Variants in CHEK2 observed in about 807,000 individuals in gnomAD.
The protein encoded by CHEK2 is checkpoint kinase 2.
In CHEK2, 71 loss-of-function variants were observed where a neutral mutation model predicts 69.1. The observed-to-expected ratio is 1.03, with a 90% CI of 0.85 to 1.25. The LOEUF is 1.25. Among genes scored for constraint, CHEK2 ranks in the 50% most tolerant of loss-of-function variants. The pLI is 0.00. For missense variants in CHEK2, 664 were observed against 649.6 expected (o/e 1.02, Z -0.24); for synonymous variants, 189 against 226.9 (o/e 0.83, Z 1.50).
intron 7 of CHEK2, among the ~76,000 whole-genome samples, chr22:28,704,302 T>C (rs142085455): frequency 1.2e-3 from 179 of 151,736 alleles, no homozygotes; most frequent in African/African-American, 4.1e-3. Flanking sequence ...TTTTTTTTAA[T>C]TTTTCTTTCT....
In CHEK2 at chr22:28,699,903, C is replaced by T. The variant is rs1569121455; in HGVS notation, c.943G>A (p.Gly315Arg). Residue 315 changes from glycine (G) to arginine (R), a missense_variant, in exon 9 of 15, where the codon GGG becomes AGG. By Grantham distance (125) the Gly-to-Arg change is moderately radical. Coordinates refer to ENST00000404276, the MANE Select transcript of CHEK2 (RefSeq NM_007194.4). ...EGGELFDKVV[G>R]NKRLKEATCK... ...GTAGCTTCTTTCAGGCGTTTATTCC[C>T]CACCACTTTGTCAAACAGCTCTCCC... 6.2e-7 allele frequency: 1 copy of T among 1,613,986 alleles called. No homozygotes were observed. Among genetic ancestry groups the T allele is most frequent in the Non-Finnish European group, 8.5e-7 (1 of 1,179,962 alleles).
At chr22:28,691,771 TA>T (rs1483890701) in intron 13 of CHEK2, among the ~76,000 whole-genome samples, 7 of 152,182 alleles carry the variant, frequency 4.6e-5, no homozygotes, top group Non-Finnish European at 1.0e-4. Flanking sequence ...TTTCAGGCAG[TA>T]AATATGAGGC....
intron 1 of CHEK2, among the ~76,000 whole-genome samples, chr22:28,740,150 G>A (rs1207352931): frequency 3.9e-5 from 6 of 151,966 alleles, no homozygotes; most frequent in African/African-American, 7.3e-5. Flanking sequence ...GCAGTGAGCC[G>A]AGATCGCACC....
chr22:28,706,296 GCT>G (rs201812675), intron 7 of CHEK2, among the ~76,000 whole-genome samples: 2 of 109,004 alleles, frequency 1.8e-5, no homozygotes, highest in Non-Finnish European at 4.0e-5. Context: ...CAACACTCCA[GCT>G]CACACACACA....
Position 28,719,412 on chromosome 22 carries a change from CATG to C in CHEK2, c.663_665del (p.Ile221del), listed in dbSNP as rs1569149693. 6.3e-7 allele frequency: 1 copy of C among 1,587,424 alleles called. No homozygotes were observed. Among genetic ancestry groups the C allele is most frequent in the Non-Finnish European group, 8.6e-7 (1 of 1,164,316 alleles). ...TAATTTACCTTCCAAGAGTTTTTGA[CATG>C]ATGTATTCATCTCTTAATGCCTTAG... On this transcript the variant is annotated inframe_deletion, in exon 5 of 15. Transcript: ENST00000404276.
At chr22:28,734,359 GT>G in intron 2 of CHEK2, 43 bp downstream of exon 2, 1 of 1,590,028 alleles carries the variant, frequency 6.3e-7, no homozygotes, top group South Asian at 1.1e-5. Flanking sequence ...TTCTGTAAGT[GT>G]TTTTCTGAAC....
intron 1 of CHEK2, 92 bp from the exon 2 acceptor site, chr22:28,734,819 AG>A: frequency 3.1e-6 from 3 of 976,388 alleles, no homozygotes; most frequent in South Asian, 1.5e-5. Context: ...CAACAGCAAA[AG>A]AAAAGAAAAA....
intron 4 of CHEK2, among the ~76,000 whole-genome samples, chr22:28,722,742 G>A (rs1390740385): frequency 6.6e-6 from 1 of 152,010 alleles, no homozygotes. Context: ...GTCTCACCAT[G>A]TTGCCCGAGC....
intron 13 of CHEK2, among the ~76,000 whole-genome samples, chr22:28,693,814 G>A (rs375969024): frequency 2.6e-5 from 4 of 151,946 alleles, no homozygotes; most frequent in Non-Finnish European, 5.9e-5. Context: ...AGCTGAGATC[G>A]TGCCACTGCA....
At chr22:28,689,284 G>C (rs773547462) in intron 13 of CHEK2, 69 bp from the exon 14 acceptor site, 17 of 1,045,178 alleles carry the variant, frequency 1.6e-5, no homozygotes, top group Middle Eastern at 3.0e-4. Context: ...GACAGGGCTA[G>C]CATGCCCCTG....
In CHEK2 at chr22:28,695,128, T is replaced by C. The variant is rs776093527; in HGVS notation, c.1374A>G (p.Lys458=). ...IPEVWAEVSE[K]ALDLVKKLLV... The stretch of plus-strand genomic sequence containing the variant: ...TTCTTAACCCTTTCATATTCATACC[T>C]TTCTCTGAGACTTCTGCCCAGACTT... The change falls in exon 12 of 15, where the codon AAA becomes AAG. Residue 458 remains lysine, a splice_region_variant and synonymous_variant. Coordinates refer to ENST00000404276, the MANE Select transcript of CHEK2 (RefSeq NM_007194.4). 54 of 1,594,780 alleles carry C rather than the reference T, an allele frequency of 3.4e-5. No homozygotes were observed. The highest frequency in any genetic ancestry group is 4.5e-5 in the Non-Finnish European group (52 of 1,162,810).
chr22:28,733,382 C>T (rs767813199), intron 2 of CHEK2, among the ~76,000 whole-genome samples: 7 of 152,116 alleles, frequency 4.6e-5, no homozygotes, highest in Non-Finnish European at 7.4e-5. Context: ...TCCAAAGCTA[C>T]CTTCAGATCT....
chr22:28,710,078 CA>C lies in CHEK2; in HGVS notation c.793-20del, dbSNP rs763573379. On this transcript the variant is annotated intron_variant, in intron 6 of 14. Coordinates refer to ENST00000404276, the MANE Select transcript of CHEK2 (RefSeq NM_007194.4). ...CTGGGTCCTTTGATAAACAGAATAACAGAGTTTATTAGTAATAATAATTGCC... is the reference window on the plus strand; with the variant it reads ...CTGGGTCCTTTGATAAACAGAATAACGAGTTTATTAGTAATAATAATTGCC... 2.0e-6 allele frequency: 3 copies of C among 1,502,540 alleles called. No homozygotes were observed. Among genetic ancestry groups the C allele is most frequent in the Non-Finnish European group, 2.8e-6 (3 of 1,082,248 alleles). 93.1% of individuals were successfully genotyped at this position (1,502,540 alleles called of 1,614,324 possible). A position where few individuals can be genotyped will look rare whatever the true frequency, so the allele number is the denominator to read the frequency against.
chr22:28,734,612 C>T lies in CHEK2; in HGVS notation c.110G>A (p.Gly37Asp), dbSNP rs764750609. Residue 37 changes from glycine to aspartate, a missense_variant, in exon 2 of 15, where the codon GGC becomes GAC. By Grantham distance (94) the Gly-to-Asp change is moderately conservative. Transcript: ENST00000404276. ...QSQGSSSQSQ[G>D]ISSSSTSTMP... ...CGTGCTGGTAGAGGAGCTGGATATG[C>T]CCTGGGACTGTGAGGAGGAGCCTTG... 1 of 1,613,704 alleles carries T rather than the reference C, an allele frequency of 6.2e-7. No homozygotes were observed. Among genetic ancestry groups the T allele is most frequent in the Non-Finnish European group, 8.5e-7 (1 of 1,179,948 alleles).
At chr22:28,737,663 G>A (rs2054452421) in intron 1 of CHEK2, among the ~76,000 whole-genome samples, 1 of 151,662 alleles carries the variant, frequency 6.6e-6, no homozygotes, top group African/African-American at 2.4e-5. Context: ...AGTAGAGACA[G>A]GGTTTTCACC....
In CHEK2 at chr22:28,703,583, A is replaced by G. The variant is rs199780411; in HGVS notation, c.847-17T>C. ...GATGCAAGGCTAAGAAGAGGGGGAG[A>G]AAAAAGGGAAAGTAGTGAGAAACTC... On this transcript the variant is annotated splice_polypyrimidine_tract_variant and intron_variant, in intron 7 of 14. Coordinates refer to ENST00000404276, the MANE Select transcript of CHEK2 (RefSeq NM_007194.4). The G allele has an allele frequency of 9.9e-5, 148 of 1,501,914 alleles. No individual in the cohort carries two copies. In the Middle Eastern group the frequency reaches 2.0e-3, roughly 21 times the overall value. 93.0% of individuals were successfully genotyped at this position (1,501,914 alleles called of 1,614,324 possible).
intron 2 of CHEK2, chr22:28,727,995 G>C (rs1238096751): frequency 6.6e-6 from 1 of 152,226 alleles, no homozygotes; most frequent in Non-Finnish European, 1.5e-5. Flanking sequence ...GGCTGGGCAC[G>C]ATGGCTCACA....
At chr22:28,692,552 A>G (rs1025150212) in intron 13 of CHEK2, among the ~76,000 whole-genome samples, 1 of 152,112 alleles carries the variant, frequency 6.6e-6, no homozygotes, top group African/African-American at 2.4e-5. Context: ...GGTGTAGAGG[A>G]TTGGAACAGA....
chr22:28,726,503 T>A (rs1254088449), intron 2 of CHEK2: 1 of 146,408 alleles, frequency 6.8e-6, no homozygotes, highest in Admixed American at 7.0e-5. Flanking sequence ...TATAATTATA[T>A]ATTTATACAC....
Sources: allele counts gnomAD v4.1 joint callset (sites outside exome capture counted in the v4.1 genomes callset), GRCh38; gene constraint gnomAD v4.1.1; transcripts MANE v1.5; gene names NCBI Gene and HGNC (gene_info 2026-07-23, HGNC 2026-07-21).